SETD3: variants seen among roughly 807,000 people sequenced by gnomAD.
SETD3 encodes the protein SET domain containing 3, actin N3(tau)-histidine methyltransferase.
Under a neutral mutation model 63.0 loss-of-function variants are expected in SETD3, and 19 were observed. The observed-to-expected ratio is 0.30, with a 90% confidence interval of 0.21 to 0.44. The LOEUF is 0.44. Among genes scored for constraint, SETD3 ranks in the 20% least tolerant of loss-of-function variants. The pLI, the probability that SETD3 is intolerant of heterozygous loss-of-function variation, is 1.00. For missense variants in SETD3, 587 were observed against 728.5 expected (o/e 0.81, Z 2.24); for synonymous variants, 286 against 264.1 (o/e 1.08, Z -0.80).
intron 6 of SETD3, among the ~76,000 whole-genome samples, chr14:99,441,304 C>G (rs937670795): frequency 6.6e-6 from 1 of 152,210 alleles, no homozygotes; most frequent in Non-Finnish European, 1.5e-5. Flanking sequence ...AGAGGGCTCA[C>G]AGCCCTCAGA....
At chr14:99,477,780 T>C (rs1896050484) in intron 1 of SETD3, among the ~76,000 whole-genome samples, 1 of 150,438 alleles carries the variant, frequency 6.6e-6, no homozygotes, top group Non-Finnish European at 1.5e-5. Flanking sequence ...TCTCAACTTC[T>C]TTGTAATAGG....
At chr14:99,455,786 G>C (rs566766012) in intron 6 of SETD3, among the ~76,000 whole-genome samples, 4 of 152,158 alleles carry the variant, frequency 2.6e-5, no homozygotes. Context: ...TGTAGGGGCT[G>C]CCCTATATGT....
chr14:99,421,741 C>T (rs1426283972), intron 6 of SETD3, among the ~76,000 whole-genome samples: 2 of 152,062 alleles, frequency 1.3e-5, no homozygotes, highest in African/African-American at 4.8e-5. Flanking sequence ...CCTCATTCTA[C>T]AGATGAGGAA....
intron 6 of SETD3, among the ~76,000 whole-genome samples, chr14:99,419,943 T>A (rs1892496102): frequency 6.6e-6 from 1 of 152,230 alleles, no homozygotes; most frequent in Admixed American, 6.5e-5. Flanking sequence ...AGGTTAAGAC[T>A]AGAAATTCAT....
intron 6 of SETD3, among the ~76,000 whole-genome samples, chr14:99,451,104 C>T (rs1034417276): frequency 6.6e-6 from 1 of 152,176 alleles, no homozygotes; most frequent in Non-Finnish European, 1.5e-5. Flanking sequence ...ATAGGATATA[C>T]GTTGCTTTCA....
chr14:99,423,551 C>A (rs1275101548), intron 6 of SETD3, among the ~76,000 whole-genome samples: 1 of 68,264 alleles, frequency 1.5e-5, no homozygotes, highest in Admixed American at 2.4e-4. Context: ...ATTAGGAGTC[C>A]AAAATAGATA....
rs775025953 is a variant in SETD3 at position 99,458,335 on chromosome 14, A to G, written c.619T>C (p.Phe207Leu). The change falls in exon 6 of 13, where the codon TTC (phenylalanine) becomes CTC (leucine). Residue 207 changes from phenylalanine to leucine, a missense_variant. Phe to Leu is a conservative substitution (Grantham distance 22). Coordinates refer to ENST00000331768, the MANE Select transcript of SETD3 (RefSeq NM_032233.3). ...LQSTQAIHDV[F>L]SQYKNTARQY... Reference sequence around the variant, plus strand: ...CGAGCTGTGTTTTTATACTGGCTGAAGACATCATGTATAGCTTGTGTGGAC... The same window carrying G: ...CGAGCTGTGTTTTTATACTGGCTGAGGACATCATGTATAGCTTGTGTGGAC... 1.2e-6 allele frequency: 2 copies of G among 1,614,052 alleles called. No individual in the cohort carries two copies. Among genetic ancestry groups the G allele is most frequent in the African/African-American group, 1.3e-5 (1 of 74,910 alleles).
rs749346347 is a variant in SETD3, at chr14:99,405,221, G to C, written c.1075C>G (p.Arg359Gly). ...LYAMKAEVLARAGIPTSSVFA... is the reference protein window; with the variant it reads ...LYAMKAEVLAGAGIPTSSVFA... ...TCTACGTACGTGGGGATGCCGGCAC[G>C]AGCCAAGACCTCGGCCTTCATGGCG... The change falls in exon 10 of 13, where the codon CGT becomes GGT. Residue 359 changes from arginine (R) to glycine (G), a missense_variant. Arg to Gly is a moderately radical substitution (Grantham distance 125, BLOSUM62 -2). Coordinates refer to ENST00000331768, the MANE Select transcript of SETD3 (RefSeq NM_032233.3). The C allele has an allele frequency of 1.2e-6, 2 of 1,612,768 alleles. No homozygotes were observed. The highest frequency in any genetic ancestry group is 1.7e-6 in the Non-Finnish European group (2 of 1,179,646).
Position 99,398,516 on chromosome 14 carries a change from C to G in SETD3, c.*163G>C. 1.5e-6 allele frequency: 1 copy of G among 667,526 alleles called. No homozygotes were observed. Among genetic ancestry groups the G allele is most frequent in the South Asian group, 2.3e-5 (1 of 43,956 alleles). The allele number at this position is 667,526 out of a possible 1,614,324, so 41.4% of individuals were successfully genotyped here. ...TGGCAATCTTAATCAAAAAGGGAAGCTAGATTTTTAAAATAACTTAAAAAA... is the reference window on the plus strand; with the variant it reads ...TGGCAATCTTAATCAAAAAGGGAAGGTAGATTTTTAAAATAACTTAAAAAA... On this transcript the variant is annotated 3_prime_UTR_variant, in exon 13 of 13. Coordinates refer to ENST00000331768, the MANE Select transcript of SETD3 (RefSeq NM_032233.3).
At chr14:99,454,556 C>A (rs909018403) in intron 6 of SETD3, among the ~76,000 whole-genome samples, 5 of 152,062 alleles carry the variant, frequency 3.3e-5, no homozygotes, top group South Asian at 2.1e-4. Context: ...AAAACAAAAC[C>A]AAATAACATG....
chr14:99,401,282 C>A (rs1451800583), intron 11 of SETD3, among the ~76,000 whole-genome samples: 1 of 152,152 alleles, frequency 6.6e-6, no homozygotes, highest in Non-Finnish European at 1.5e-5. Flanking sequence ...AAGAATTCAG[C>A]AACTGCTCTT....
intron 6 of SETD3, among the ~76,000 whole-genome samples, chr14:99,446,853 C>T (rs1230733828): frequency 3.3e-5 from 5 of 151,984 alleles, no homozygotes; most frequent in African/African-American, 1.2e-4. Context: ...AACTCAAACC[C>T]GCCTCAGGGG....
At chr14:99,475,753 T>G (rs1163292062) in intron 1 of SETD3, among the ~76,000 whole-genome samples, 1 of 152,220 alleles carries the variant, frequency 6.6e-6, no homozygotes, top group East Asian at 1.9e-4. Flanking sequence ...TTGACTAATA[T>G]TCCTAAGACT....
At chr14:99,419,295 C>T (rs7150963) in intron 6 of SETD3, among the ~76,000 whole-genome samples, 72,283 of 151,942 alleles carry the variant, frequency 0.48, 17,480 homozygotes, top group East Asian at 0.56. Flanking sequence ...AAATGTGTAT[C>T]ACCTTATAAT....
At chr14:99,445,542 T>C (rs988356957) in intron 6 of SETD3, among the ~76,000 whole-genome samples, 1 of 152,168 alleles carries the variant, frequency 6.6e-6, no homozygotes, top group African/African-American at 2.4e-5. Context: ...TTTTCTTCCT[T>C]GAGAGTAGAT....
In SETD3 at chr14:99,449,229, T is replaced by C. The variant is rs574600887; in HGVS notation, c.675+9050A>G. ...TTGGCAAACACTACAGTAGTAACTA[T>C]TACAGACAAAAATCATGATAGATAC... On this transcript the variant is annotated intron_variant, in intron 6 of 12. Transcript: ENST00000331768. 6.6e-5 allele frequency among the ~76,000 whole-genome samples: 10 copies of C among 152,290 alleles called. No individual in the cohort carries two copies. The South Asian group carries it at 2.1e-3, about 32-fold the overall frequency.
chr14:99,483,477 G>C (rs1305864043), upstream of SETD3, among the ~76,000 whole-genome samples: 1 of 152,222 alleles, frequency 6.6e-6, no homozygotes, highest in African/African-American at 2.4e-5. Context: ...TTGAGTCTGA[G>C]AGATCAAGGC....
chr14:99,485,236 A>C (rs563013919), upstream of SETD3, among the ~76,000 whole-genome samples: 48 of 152,344 alleles, frequency 3.2e-4, no homozygotes, highest in African/African-American at 1.2e-3. Flanking sequence ...AAAACAATTG[A>C]ATATACTTAC....
Position 99,405,252 on chromosome 14 carries a change from T to C in SETD3, c.1044A>G (p.Arg348=). 1 of 1,613,990 alleles carries C rather than the reference T, an allele frequency of 6.2e-7. No homozygotes were observed. Among genetic ancestry groups the C allele is most frequent in the Non-Finnish European group, 8.5e-7 (1 of 1,179,944 alleles). ...KIKLGVSKSD[R]LYAMKAEVLA... is the part of the protein sequence containing the mutation. Reference sequence around the variant, plus strand: ...AGACCTCGGCCTTCATGGCGTAGAGTCTGTCACTTTTACTCACTCCAAGCT... The same window carrying C: ...AGACCTCGGCCTTCATGGCGTAGAGCCTGTCACTTTTACTCACTCCAAGCT... Residue 348 remains arginine, a synonymous_variant, in exon 10 of 13, where the codon AGA becomes AGG. Coordinates refer to ENST00000331768, the MANE Select transcript of SETD3 (RefSeq NM_032233.3).
Sources: gnomAD v4.1 joint callset for allele counts (sites outside exome capture counted in the v4.1 genomes callset) on GRCh38, gnomAD v4.1.1 for gene constraint, MANE v1.5 for transcripts, NCBI Gene and HGNC (gene_info 2026-07-23, HGNC 2026-07-21) for gene names.